Variants in SERBP1 observed in about 807,000 individuals in gnomAD.
The protein encoded by SERBP1 is SERPINE1 mRNA binding protein 1.
In SERBP1, 6 loss-of-function variants were observed where a neutral mutation model predicts 50.2. That is an observed-to-expected ratio of 0.12 (90% CI 0.07 to 0.24). The LOEUF is 0.24. Ranked by LOEUF, SERBP1 falls within the 10% of genes least tolerant of loss-of-function variation. The pLI, the probability that SERBP1 is intolerant of heterozygous loss-of-function variation, is 1.00. For synonymous variants in SERBP1, 168 were observed against 182.8 expected, an observed-to-expected ratio of 0.92 and a Z score of 0.65; for missense variants, 346 against 524.9, an observed-to-expected ratio of 0.66 and a Z score of 3.33.
In SERBP1 at chr1:67,408,235, A is replaced by G. The variant is rs1056276019; in HGVS notation, c.*4972T>C. 10 of 152,302 alleles carry G rather than the reference A, an allele frequency of 6.6e-5. No homozygotes were observed. The highest frequency in any genetic ancestry group is 3.4e-3 in the Middle Eastern group (1 of 294). The allele number at this position is 152,302 out of a possible 1,614,324, so 9.4% of individuals were successfully genotyped here. On this transcript the variant is annotated 3_prime_UTR_variant, in exon 8 of 8. Transcript: ENST00000361219. The stretch of plus-strand genomic sequence containing the variant: ...AACCAATTATCTAAATAGATTTCTA[A>G]AAGTCCATAATGAATCAGAACTCAG...
intron 6 of SERBP1, among the ~76,000 whole-genome samples, chr1:67,415,810 T>C (rs1666985737): frequency 6.6e-6 from 1 of 152,168 alleles, no homozygotes; most frequent in African/African-American, 2.4e-5. Flanking sequence ...TGTTCTACAC[T>C]CTTCCAACTA....
Position 67,419,999 on chromosome 1 carries a change from T to C in SERBP1, c.951+10A>G, listed in dbSNP as rs756838932. 6.2e-7 allele frequency: 1 copy of C among 1,612,412 alleles called. No homozygotes were observed. Among genetic ancestry groups the C allele is most frequent in the Non-Finnish European group, 8.5e-7 (1 of 1,178,784 alleles). On this transcript the variant is annotated intron_variant, in intron 6 of 7. Coordinates refer to ENST00000361219, the MANE Select transcript of SERBP1 (RefSeq NM_001018069.2). ...TGAACATTTTCAAACACGACAAAAC[T>C]TAATTTTACCTCTTCACTCTTTGAT...
Position 67,415,281 on chromosome 1 carries a change from G to A in SERBP1, c.1010C>T (p.Thr337Met). 6.2e-7 allele frequency: 1 copy of A among 1,611,150 alleles called. No individual in the cohort carries two copies. The highest frequency in any genetic ancestry group is 8.5e-7 in the Non-Finnish European group (1 of 1,178,708). ...HHFRKPANDITSQLEINFGDL... is the reference protein window; with the variant it reads ...HHFRKPANDIMSQLEINFGDL... Reference sequence around the variant, plus strand: ...TCCAAAATTGATCTCCAGCTGAGACGTTATATCATTTGCTGGCTTCCGGAA... The same window carrying A: ...TCCAAAATTGATCTCCAGCTGAGACATTATATCATTTGCTGGCTTCCGGAA... Residue 337 changes from threonine to methionine, a missense_variant, in exon 7 of 8, where the codon ACG becomes ATG. Physicochemically the swap from Thr to Met is moderately conservative, Grantham distance 81 (BLOSUM62 -1). Coordinates refer to ENST00000361219, the MANE Select transcript of SERBP1 (RefSeq NM_001018069.2).
In SERBP1 at chr1:67,411,340, G is replaced by A. The variant is rs1467912087; in HGVS notation, c.*1867C>T. On this transcript the variant is annotated 3_prime_UTR_variant, in exon 8 of 8. Coordinates refer to ENST00000361219, the MANE Select transcript of SERBP1 (RefSeq NM_001018069.2). ...GGAAATCAAGAGGTTTATAAAACAT[G>A]GTACATGTTTGGAAATGAGTTAGAT... The A allele has an allele frequency of 6.6e-6, 1 of 152,102 alleles. No individual in the cohort carries two copies. The highest frequency in any genetic ancestry group is 2.4e-5 in the African/African-American group (1 of 41,418). 9.4% of individuals were successfully genotyped at this position (152,102 alleles called of 1,614,324 possible). A position where few individuals can be genotyped will look rare whatever the true frequency, so the allele number is the denominator to read the frequency against.
At chr1:67,415,440 C>T in intron 6 of SERBP1, 101 bp from the exon 7 acceptor site, 1 of 1,181,888 alleles carries the variant, frequency 8.5e-7, no homozygotes, top group Non-Finnish European at 1.2e-6. Flanking sequence ...AAAATCCAAA[C>T]TGTACTTTCT....
At chr1:67,424,310 T>A in intron 4 of SERBP1, 33 bp from the exon 5 acceptor site, 1 of 1,607,534 alleles carries the variant, frequency 6.2e-7, no homozygotes, top group South Asian at 1.1e-5. Context: ...TCTGAATGTA[T>A]TTGGGGGACT....
intron 6 of SERBP1, among the ~76,000 whole-genome samples, chr1:67,419,602 C>CG (rs1667140526): frequency 8.8e-6 from 1 of 113,070 alleles, no homozygotes; most frequent in South Asian, 3.2e-4. Context: ...AAGTCACTTA[C>CG]ATTTTAGGTT....
intron 6 of SERBP1, 150 bp from the exon 7 acceptor site, chr1:67,415,489 A>G: frequency 1.4e-6 from 1 of 711,198 alleles, no homozygotes; most frequent in Non-Finnish European, 2.2e-6. Context: ...GTAACAAGCT[A>G]GGGCTCAGCT....
At chr1:67,420,777 T>C (rs1667174715) in intron 5 of SERBP1, among the ~76,000 whole-genome samples, 1 of 152,226 alleles carries the variant, frequency 6.6e-6, no homozygotes, top group South Asian at 2.1e-4. Context: ...CCAACCTGTA[T>C]ATGGAAAGGA....
chr1:67,419,344 A>G (rs778145895), intron 6 of SERBP1, among the ~76,000 whole-genome samples: 7 of 152,258 alleles, frequency 4.6e-5, no homozygotes, highest in African/African-American at 1.7e-4. Context: ...GGTTATTAGT[A>G]GTTAAGTTTT....
In SERBP1 at chr1:67,424,598, T is replaced by C. The variant is rs559452203; in HGVS notation, c.695+290A>G. On this transcript the variant is annotated intron_variant, in intron 4 of 7. Transcript: ENST00000361219. ...AAGTCAAAAGCTAGAATAGGAACTA[T>C]TAAGGACACTAAGATAATCAGAATA... Among the ~76,000 whole-genome samples, 60 of 152,302 alleles carry C rather than the reference T, an allele frequency of 3.9e-4. 1 individual carries two copies. The South Asian group carries it at 0.012, about 30-fold the overall frequency.
Position 67,411,887 on chromosome 1 carries a change from G to C in SERBP1, c.*1320C>G, listed in dbSNP as rs1666856604. ...AAACTTTTTTAATTCATCATTCTAT[G>C]TGTGTTTTAATAAGTGGTGATGCTC... On this transcript the variant is annotated 3_prime_UTR_variant, in exon 8 of 8. Transcript: ENST00000361219. 1 of 152,252 alleles carries C rather than the reference G, an allele frequency of 6.6e-6. No individual in the cohort carries two copies. The highest frequency in any genetic ancestry group is 1.5e-5 in the Non-Finnish European group (1 of 68,032). 9.4% of individuals were successfully genotyped at this position (152,252 alleles called of 1,614,324 possible).
At position 67,410,567 on chromosome 1, in the gene SERBP1, C is replaced by G. The variant is rs1666802010; in HGVS notation, c.*2640G>C. ...CTAATAAAGAAACCATGTCTCCAAT[C>G]ATTTCAATACAAGCTGTAAAAATGC... On this transcript the variant is annotated 3_prime_UTR_variant, in exon 8 of 8. Coordinates refer to ENST00000361219, the MANE Select transcript of SERBP1 (RefSeq NM_001018069.2). 6.6e-6 allele frequency: 1 copy of G among 152,148 alleles called. No homozygotes were observed. Among genetic ancestry groups the G allele is most frequent in the African/African-American group, 2.4e-5 (1 of 41,450 alleles). The allele number at this position is 152,148 out of a possible 1,614,324, so 9.4% of individuals were successfully genotyped here. A position where few individuals can be genotyped will look rare whatever the true frequency, so the allele number is the denominator to read the frequency against.
intron 1 of SERBP1, among the ~76,000 whole-genome samples, chr1:67,427,019 G>A (rs1667408598): frequency 6.6e-6 from 1 of 152,164 alleles, no homozygotes; most frequent in African/African-American, 2.4e-5. Context: ...GCATGTAAGT[G>A]TATATATGTT....
In SERBP1 at chr1:67,413,189, T is replaced by C. The variant is rs1433987498; in HGVS notation, c.*18A>G. ...AGAAGGGTTCACAAAGGAACCAGGG[T>C]TGTCTTATGGCATCCAGTTAAGCCA... On this transcript the variant is annotated 3_prime_UTR_variant, in exon 8 of 8. Coordinates refer to ENST00000361219, the MANE Select transcript of SERBP1 (RefSeq NM_001018069.2). 19 of 1,592,200 alleles carry C rather than the reference T, an allele frequency of 1.2e-5. No individual in the cohort carries two copies. The highest frequency in any genetic ancestry group is 1.6e-5 in the Non-Finnish European group (19 of 1,171,832).
rs1237686057 is a variant in SERBP1 at position 67,410,616 on chromosome 1, T to A, written c.*2591A>T. 1 of 152,216 alleles carries A rather than the reference T, an allele frequency of 6.6e-6. No homozygotes were observed. The highest frequency in any genetic ancestry group is 2.4e-5 in the African/African-American group (1 of 41,468). The allele number at this position is 152,216 out of a possible 1,614,324, so 9.4% of individuals were successfully genotyped here. On this transcript the variant is annotated 3_prime_UTR_variant, in exon 8 of 8. Transcript: ENST00000361219. ...GCCTTAAAAATCTCAGGTCTGGCAT[T>A]ACTTCCATTTAAACGCATCAAGATA...
intron 4 of SERBP1, 36 bp from the exon 5 acceptor site, chr1:67,424,313 G>A: frequency 6.2e-7 from 1 of 1,605,698 alleles, no homozygotes; most frequent in Non-Finnish European, 8.5e-7. Flanking sequence ...GAATGTATTT[G>A]GGGGACTCTC....
Position 67,410,282 on chromosome 1 carries a change from A to G in SERBP1, c.*2925T>C, listed in dbSNP as rs536705020. ...ACCAACCTAGTATTTTCGAAATCCAATACACATTTAGGCTTTGTATGCAAC... is the reference window on the plus strand; with the variant it reads ...ACCAACCTAGTATTTTCGAAATCCAGTACACATTTAGGCTTTGTATGCAAC... On this transcript the variant is annotated 3_prime_UTR_variant, in exon 8 of 8. Transcript: ENST00000361219. The G allele has an allele frequency of 1.3e-5, 2 of 152,292 alleles. No individual in the cohort carries two copies. The highest frequency in any genetic ancestry group is 4.8e-5 in the African/African-American group (2 of 41,580). The allele number at this position is 152,292 out of a possible 1,614,324, so 9.4% of individuals were successfully genotyped here. A position where few individuals can be genotyped will look rare whatever the true frequency, so the allele number is the denominator to read the frequency against.
At chr1:67,423,816 TA>T (rs1232634230) in intron 5 of SERBP1, among the ~76,000 whole-genome samples, 3 of 152,184 alleles carry the variant, frequency 2.0e-5, no homozygotes, top group Non-Finnish European at 4.4e-5. Context: ...GTAAAATGAC[TA>T]ATCAAACAGA....
Sources: allele counts gnomAD v4.1 joint callset (sites outside exome capture counted in the v4.1 genomes callset), GRCh38; gene constraint gnomAD v4.1.1; transcripts MANE v1.5; gene names NCBI Gene and HGNC (gene_info 2026-07-23, HGNC 2026-07-21).